Variants in PTPRM observed in about 807,000 individuals in gnomAD.
The protein encoded by PTPRM is protein tyrosine phosphatase receptor type M, also known as receptor-type tyrosine-protein phosphatase mu.
Under a neutral mutation model 186.7 loss-of-function variants are expected in PTPRM, and 47 were observed. That is an observed-to-expected ratio of 0.25 (90% CI 0.20 to 0.32). PTPRM has a LOEUF of 0.32. Ranked by LOEUF, PTPRM falls within the 10% of genes least tolerant of loss-of-function variation. The pLI is 1.00. For missense variants in PTPRM, 1,494 were observed against 1,865.0 expected (o/e 0.80, Z 3.66); for synonymous variants, 668 against 674.9 (o/e 0.99, Z 0.16).
At chr18:8,122,848 A>G (rs528077290) in intron 13 of PTPRM, among the ~76,000 whole-genome samples, 1 of 152,332 alleles carries the variant, frequency 6.6e-6, no homozygotes, top group South Asian at 2.1e-4. Context: ...TGTATGTACA[A>G]TAGTTGCAGA....
In PTPRM at chr18:8,020,128, T is replaced by C. The variant is rs144147469; in HGVS notation, c.1133-49558T>C. Among the ~76,000 whole-genome samples the C allele has an allele frequency of 2.9e-3, 448 of 152,336 alleles. 3 individuals are homozygous for C. Among genetic ancestry groups the C allele is most frequent in the East Asian group, 0.011 (56 of 5,186 alleles). On this transcript the variant is annotated intron_variant, in intron 7 of 32. Transcript: ENST00000580170. ...TGCATTAATGCTCCTTAGCTATTTT[T>C]ATCGAATTAGTTGTGACAAAAAGTA...
chr18:8,020,950 A>G (rs547231088), intron 7 of PTPRM, among the ~76,000 whole-genome samples: 1 of 152,282 alleles, frequency 6.6e-6, no homozygotes, highest in African/African-American at 2.4e-5. Context: ...TCCCAGACAC[A>G]GTTCCAGTGG....
chr18:7,687,929 C>G (rs1337663367), intron 1 of PTPRM, among the ~76,000 whole-genome samples: 2 of 152,032 alleles, frequency 1.3e-5, no homozygotes, highest in Non-Finnish European at 2.9e-5. Flanking sequence ...AGGCACACGC[C>G]ACCATGCCCA....
intron 1 of PTPRM, among the ~76,000 whole-genome samples, chr18:7,572,219 A>G (rs1352792775): frequency 6.6e-6 from 1 of 152,190 alleles, no homozygotes; most frequent in African/African-American, 2.4e-5. Flanking sequence ...AGATTTTAAG[A>G]AAAGAATCTA....
intron 7 of PTPRM, among the ~76,000 whole-genome samples, chr18:8,000,322 G>T (rs1286492745): frequency 1.3e-5 from 2 of 152,178 alleles, no homozygotes; most frequent in African/African-American, 2.4e-5. Context: ...AAAGTCCATA[G>T]TTAGATAAAC....
chr18:8,368,121 C>T (rs1029301428), intron 23 of PTPRM, among the ~76,000 whole-genome samples: 5 of 151,338 alleles, frequency 3.3e-5, no homozygotes, highest in African/African-American at 1.2e-4. Flanking sequence ...ATATCTATCC[C>T]ACTACCTTCT....
chr18:7,677,751 C>T (rs1000731702), intron 1 of PTPRM, among the ~76,000 whole-genome samples: 4 of 152,086 alleles, frequency 2.6e-5, no homozygotes, highest in Admixed American at 1.3e-4. Context: ...ATGCTCTGTG[C>T]CCCTTTCCTT....
intron 1 of PTPRM, chr18:7,751,623 C>T (rs1383115504): frequency 6.6e-6 from 1 of 152,142 alleles, no homozygotes; most frequent in African/African-American, 2.4e-5. Context: ...AAAACATATT[C>T]CCTCCAAACC....
At chr18:7,947,135 T>C (rs574825010) in intron 5 of PTPRM, among the ~76,000 whole-genome samples, 13 of 152,366 alleles carry the variant, frequency 8.5e-5, no homozygotes, top group East Asian at 3.9e-4. Context: ...GGTTTATCAG[T>C]AATAAAGGTG....
At chr18:7,665,707 A>G (rs963242289) in intron 1 of PTPRM, among the ~76,000 whole-genome samples, 4 of 152,132 alleles carry the variant, frequency 2.6e-5, no homozygotes, top group Non-Finnish European at 4.4e-5. Flanking sequence ...GGGGTGGATC[A>G]TGAGGTCAGG....
At chr18:8,383,296 C>CAAAAA (rs59442781) in intron 29 of PTPRM, among the ~76,000 whole-genome samples, 392 of 30,452 alleles carry the variant, frequency 0.013, 42 homozygotes, top group East Asian at 0.02. Context: ...GCTTCTGCCT[C>CAAAAA]AAAAAAAAAA....
At chr18:7,702,196 G>C (rs533959678) in intron 1 of PTPRM, among the ~76,000 whole-genome samples, 1 of 152,228 alleles carries the variant, frequency 6.6e-6, no homozygotes, top group African/African-American at 2.4e-5. Context: ...AATTCTTTGG[G>C]TATATACTCA....
intron 7 of PTPRM, among the ~76,000 whole-genome samples, chr18:8,029,608 C>T (rs1600154732): frequency 6.6e-6 from 1 of 152,228 alleles, no homozygotes; most frequent in Non-Finnish European, 1.5e-5. Context: ...TCTGTGTACT[C>T]TTTTGTATCT....
chr18:8,392,383 G>T (rs1039292278), intron 31 of PTPRM, among the ~76,000 whole-genome samples: 1 of 152,160 alleles, frequency 6.6e-6, no homozygotes, highest in African/African-American at 2.4e-5. Flanking sequence ...CCAGCACTTT[G>T]GGAGGCCGGG....
intron 19 of PTPRM, among the ~76,000 whole-genome samples, chr18:8,274,707 G>A (rs576481072): frequency 6.6e-6 from 1 of 152,296 alleles, no homozygotes; most frequent in Non-Finnish European, 1.5e-5. Context: ...TAGGGACACA[G>A]CCCTTTGCAC....
intron 1 of PTPRM, among the ~76,000 whole-genome samples, chr18:7,711,832 G>A (rs2144785881): frequency 6.6e-6 from 1 of 152,302 alleles, no homozygotes; most frequent in South Asian, 2.1e-4. Context: ...AGCAGACCCA[G>A]TCAGGGTCTT....
chr18:8,331,805 T>C (rs1415231982), intron 22 of PTPRM, among the ~76,000 whole-genome samples: 1 of 152,066 alleles, frequency 6.6e-6, no homozygotes, highest in Admixed American at 6.5e-5. Flanking sequence ...TAGACAAACA[T>C]AGGTTGGAAA....
intron 3 of PTPRM, among the ~76,000 whole-genome samples, chr18:7,901,615 T>C (rs1018447602): frequency 1.3e-5 from 2 of 152,152 alleles, no homozygotes; most frequent in African/African-American, 4.8e-5. Context: ...CCACTCACCT[T>C]GGCCTCCCAA....
At chr18:7,836,548 T>C (rs1355067570) in intron 2 of PTPRM, among the ~76,000 whole-genome samples, 1 of 152,198 alleles carries the variant, frequency 6.6e-6, no homozygotes, top group African/African-American at 2.4e-5. Context: ...ACCACAGTTA[T>C]AGTGTTATAT....
Sources: allele counts gnomAD v4.1 joint callset (sites outside exome capture counted in the v4.1 genomes callset), GRCh38; gene constraint gnomAD v4.1.1; transcripts MANE v1.5; gene names NCBI Gene and HGNC (gene_info 2026-07-23, HGNC 2026-07-21).